Variants in DSE observed in about 807,000 individuals in gnomAD.
The protein encoded by DSE is dermatan sulfate epimerase.
A neutral mutation model predicts 84.4 loss-of-function variants in DSE; 36 were observed. The ratio of observed to expected loss-of-function variants is 0.43; its 90% CI spans 0.33 to 0.56. The LOEUF (loss-of-function observed/expected upper bound fraction) is 0.56. DSE is among the 20% of genes least tolerant of loss of function. DSE has a pLI of 0.06. For synonymous variants in DSE, 410 were observed against 430.1 expected (o/e 0.95, Z 0.58); for missense variants, 862 against 1,169.6 (o/e 0.74, Z 3.84).
chr6:116,407,022 T>A (rs1009405035), intron 2 of DSE, among the ~76,000 whole-genome samples: 1 of 152,182 alleles, frequency 6.6e-6, no homozygotes. Flanking sequence ...AGTATAAATT[T>A]AAGAGACATA....
chr6:116,260,411 AT>A (rs1772362286), intron 2 of DSE, among the ~76,000 whole-genome samples: 1 of 151,704 alleles, frequency 6.6e-6, no homozygotes, highest in Non-Finnish European at 1.5e-5. Flanking sequence ...GTTTGAAAAA[AT>A]TTTCTCCCAT....
chr6:116,302,155 A>G (rs921385766), intron 2 of DSE, among the ~76,000 whole-genome samples: 28 of 152,184 alleles, frequency 1.8e-4, no homozygotes, highest in Admixed American at 1.2e-3. Flanking sequence ...ATACCCAATA[A>G]TGGGATTGCT....
intron 2 of DSE, among the ~76,000 whole-genome samples, chr6:116,422,881 A>G (rs1783181972): frequency 6.6e-6 from 1 of 152,210 alleles, no homozygotes; most frequent in Non-Finnish European, 1.5e-5. Context: ...ATTCTCTAAA[A>G]TGTAATAGTC....
At chr6:116,405,144 T>C (rs1458005661) in intron 2 of DSE, among the ~76,000 whole-genome samples, 1 of 152,184 alleles carries the variant, frequency 6.6e-6, no homozygotes, top group East Asian at 1.9e-4. Context: ...ATGAACCAGT[T>C]TCATTGCTGT....
chr6:116,384,795 TATAGC>T (rs1393121297), intron 1 of DSE, among the ~76,000 whole-genome samples: 1 of 152,180 alleles, frequency 6.6e-6, no homozygotes, highest in Non-Finnish European at 1.5e-5. Flanking sequence ...GTGCTGGAGA[TATAGC>T]AGAAAGCAAA....
intron 2 of DSE, among the ~76,000 whole-genome samples, chr6:116,337,888 A>G (rs1017969809): frequency 2.0e-5 from 3 of 152,162 alleles, no homozygotes; most frequent in African/African-American, 7.2e-5. Flanking sequence ...AGTTCATTCT[A>G]TTCTAATTTA....
At chr6:116,417,603 A>G (rs77289316) in intron 2 of DSE, among the ~76,000 whole-genome samples, 1,719 of 152,268 alleles carry the variant, frequency 0.011, 41 homozygotes, top group African/African-American at 0.038. Flanking sequence ...ATTAAGTGGT[A>G]ATGTACTGCT....
chr6:116,422,297 A>C (rs1431827316), intron 2 of DSE, among the ~76,000 whole-genome samples: 1 of 152,236 alleles, frequency 6.6e-6, no homozygotes, highest in Non-Finnish European at 1.5e-5. Flanking sequence ...TAGTGGATGC[A>C]AATTTTCCAA....
chr6:116,292,762 T>TTTAAA (rs1267489718), intron 2 of DSE, among the ~76,000 whole-genome samples: 1 of 152,174 alleles, frequency 6.6e-6, no homozygotes, highest in Non-Finnish European at 1.5e-5. Flanking sequence ...TTACGTAACC[T>TTTAAA]TTAAAAGGAA....
At chr6:116,420,372 T>C (rs1782991537) in intron 2 of DSE, among the ~76,000 whole-genome samples, 1 of 152,180 alleles carries the variant, frequency 6.6e-6, no homozygotes, top group Non-Finnish European at 1.5e-5. Context: ...AAGGTGGGGC[T>C]CTCATGATAG....
chr6:116,286,660 G>T (rs139164668), intron 2 of DSE, among the ~76,000 whole-genome samples: 40 of 152,158 alleles, frequency 2.6e-4, no homozygotes, highest in African/African-American at 9.4e-4. Flanking sequence ...TGTCTATTTT[G>T]ATATGTAAGG....
upstream of DSE, chr6:116,370,010 C>A: frequency 8.3e-7 from 1 of 1,206,912 alleles, no homozygotes; most frequent in Non-Finnish European, 1.1e-6. Flanking sequence ...GTGGAAGGGG[C>A]AAAGTATTCC....
At chr6:116,295,111 G>A (rs1774578247) in intron 2 of DSE, among the ~76,000 whole-genome samples, 2 of 152,216 alleles carry the variant, frequency 1.3e-5, no homozygotes, top group South Asian at 4.1e-4. Flanking sequence ...GCTGAACACA[G>A]AAAAAAAGAC....
Position 116,399,366 on chromosome 6 carries a change from A to G in DSE, c.116A>G (p.Asn39Ser), listed in dbSNP as rs763023746. ...GTTATGATTCCCTTCACCAATGCCA[A>G]CTACGACAGCCATCCCATGCTGTAC... The part of the protein sequence containing the change: ...PEVMIPFTNA[N>S]YDSHPMLYFS... The change falls in exon 2 of 6, where the codon AAC (asparagine) becomes AGC (serine). Residue 39 changes from asparagine to serine, a missense_variant. Coordinates refer to ENST00000644252, the MANE Select transcript of DSE (RefSeq NM_013352.4). 1.2e-6 allele frequency: 2 copies of G among 1,614,092 alleles called. No individual in the cohort carries two copies. The highest frequency in any genetic ancestry group is 1.7e-6 in the Non-Finnish European group (2 of 1,180,030).
chr6:116,267,149 C>CAG (rs1772660433), intron 2 of DSE, among the ~76,000 whole-genome samples: 1 of 152,186 alleles, frequency 6.6e-6, no homozygotes, highest in Non-Finnish European at 1.5e-5. Context: ...GACTATGTTA[C>CAG]TGGCTTATGT....
chr6:116,274,874 T>G (rs1773053160), intron 2 of DSE, among the ~76,000 whole-genome samples: 1 of 152,200 alleles, frequency 6.6e-6, no homozygotes, highest in Non-Finnish European at 1.5e-5. Flanking sequence ...ATTAACATGT[T>G]TAATTTTTAC....
chr6:116,402,437 T>C (rs1781653851), intron 2 of DSE, among the ~76,000 whole-genome samples: 1 of 152,186 alleles, frequency 6.6e-6, no homozygotes, highest in South Asian at 2.1e-4. Context: ...ATGTATAATG[T>C]GGCAGTAACA....
chr6:116,347,931 C>T (rs937062525), intron 2 of DSE, among the ~76,000 whole-genome samples: 3 of 144,570 alleles, frequency 2.1e-5, no homozygotes, highest in Non-Finnish European at 3.1e-5. Context: ...CTACAAAGAA[C>T]TTAAACAAAT....
chr6:116,272,909 T>C (rs1003816517), intron 2 of DSE, among the ~76,000 whole-genome samples: 2 of 152,232 alleles, frequency 1.3e-5, no homozygotes, highest in African/African-American at 4.8e-5. Context: ...CTAACCTCTA[T>C]ATTATAACTA....
Sources: gnomAD v4.1 joint callset for allele counts (sites outside exome capture counted in the v4.1 genomes callset) on GRCh38, gnomAD v4.1.1 for gene constraint, MANE v1.5 for transcripts, NCBI Gene and HGNC (gene_info 2026-07-23, HGNC 2026-07-21) for gene names.